The following RGS8 variants were observed in gnomAD, a reference collection of about 807,000 sequenced individuals.
RGS8 encodes regulator of G-protein signaling 8.
RGS8 carries 8 observed loss-of-function variants against 21.7 expected under a neutral mutation model. The observed-to-expected ratio is 0.37, with a 90% CI of 0.22 to 0.66. RGS8 has a LOEUF of 0.66. Among genes scored for constraint, RGS8 ranks in the 30% least tolerant of loss-of-function variants. The pLI is 0.59. For synonymous variants in RGS8, 80 were observed against 83.6 expected (o/e 0.96, Z 0.24); for missense variants, 157 against 217.9 (o/e 0.72, Z 1.76).
At chr1:182,692,675 C>CAAA in the RGS8 span, among the ~76,000 whole-genome samples, 39 of 28,012 alleles carry the variant, frequency 1.4e-3, no homozygotes, top group Non-Finnish European at 1.7e-3. Context: ...CAATCCTAAG[C>CAAA]AAAAAAAAAA....
chr1:182,691,751 G>A, the RGS8 span, among the ~76,000 whole-genome samples: 10 of 151,242 alleles, frequency 6.6e-5, no homozygotes, highest in Non-Finnish European at 1.3e-4. Context: ...CCCCTTGAAA[G>A]CTGGAACAAG....
At chr1:182,648,042 A>C (rs1662787162) in intron 6 of RGS8, 95 bp downstream of exon 7, 2 of 1,154,396 alleles carry the variant, frequency 1.7e-6, no homozygotes, top group Non-Finnish European at 2.4e-6. Flanking sequence ...TTAGTATAAG[A>C]AAGTCCTCAT....
intron 5 of RGS8, among the ~76,000 whole-genome samples, chr1:182,664,770 C>T (rs1216383246): frequency 2.6e-5 from 4 of 152,210 alleles, no homozygotes; most frequent in Admixed American, 2.6e-4. Context: ...ACTAAAGTGA[C>T]TGTTTGTCTC....
intron 5 of RGS8, among the ~76,000 whole-genome samples, chr1:182,662,172 C>T (rs190975013): frequency 6.6e-6 from 1 of 152,168 alleles, no homozygotes. Context: ...AGCAAAGTTG[C>T]TTTCTTTTGC....
chr1:182,717,642 C>T, the RGS8 span, among the ~76,000 whole-genome samples: 4 of 152,202 alleles, frequency 2.6e-5, no homozygotes, highest in Non-Finnish European at 4.4e-5. Context: ...CCTGTGCCCA[C>T]TGTCACCCTT....
chr1:182,702,267 A>T, the RGS8 span, among the ~76,000 whole-genome samples: 112 of 152,228 alleles, frequency 7.4e-4, no homozygotes, highest in African/African-American at 2.6e-3. Context: ...AGCAACATGG[A>T]TGCAGGTGGA....
the RGS8 span, among the ~76,000 whole-genome samples, chr1:182,710,661 GA>G: frequency 2.7e-4 from 41 of 152,106 alleles, no homozygotes; most frequent in African/African-American, 8.7e-4. Context: ...GGAAAATCAG[GA>G]GTTGATTTTC....
the RGS8 span, among the ~76,000 whole-genome samples, chr1:182,718,189 G>T: frequency 6.6e-6 from 1 of 152,178 alleles, no homozygotes; most frequent in Non-Finnish European, 1.5e-5. Flanking sequence ...ATCTAGGAAA[G>T]ATCCCAGACA....
the RGS8 span, among the ~76,000 whole-genome samples, chr1:182,743,610 C>G: frequency 6.6e-6 from 1 of 152,148 alleles, no homozygotes; most frequent in African/African-American, 2.4e-5. Context: ...GCTCTCTGTC[C>G]TTCTTGGTTG....
At chr1:182,739,770 C>T in the RGS8 span, among the ~76,000 whole-genome samples, 1 of 152,134 alleles carries the variant, frequency 6.6e-6, no homozygotes, top group Non-Finnish European at 1.5e-5. Context: ...ACCCAGAAGC[C>T]CTTGCGCCAG....
chr1:182,738,117 C>T, the RGS8 span, among the ~76,000 whole-genome samples: 3 of 152,214 alleles, frequency 2.0e-5, no homozygotes, highest in African/African-American at 7.2e-5. Flanking sequence ...GCTCAAGACT[C>T]ATAAAATGCT....
At chr1:182,699,402 C>T in the RGS8 span, among the ~76,000 whole-genome samples, 1 of 152,240 alleles carries the variant, frequency 6.6e-6, no homozygotes. Flanking sequence ...CTCTTCCCAT[C>T]TTCCCAGGAG....
At chr1:182,712,382 C>G in the RGS8 span, among the ~76,000 whole-genome samples, 1 of 152,208 alleles carries the variant, frequency 6.6e-6, no homozygotes, top group African/African-American at 2.4e-5. Flanking sequence ...AGACCCTGCC[C>G]TACAGGCTAA....
chr1:182,669,748 C>T, exon 3 of RGS8: 1 of 1,592,768 alleles, frequency 6.3e-7, no homozygotes, highest in South Asian at 1.1e-5. Context: ...TGCACGTCCT[C>T]TCACCTAAAA....
the RGS8 span, among the ~76,000 whole-genome samples, chr1:182,747,938 G>C: frequency 1.3e-5 from 2 of 150,522 alleles, no homozygotes; most frequent in Non-Finnish European, 3.0e-5. Context: ...ATCTTTTCCT[G>C]GCTCTTTATT....
At chr1:182,692,011 T>C in the RGS8 span, among the ~76,000 whole-genome samples, 1 of 151,482 alleles carries the variant, frequency 6.6e-6, no homozygotes, top group Admixed American at 6.6e-5. Context: ...CATTTCTTTT[T>C]TTTTTTTTTT....
At chr1:182,742,271 AG>A in the RGS8 span, among the ~76,000 whole-genome samples, 1 of 150,456 alleles carries the variant, frequency 6.6e-6, no homozygotes, top group East Asian at 2.0e-4. Flanking sequence ...AGCCAGGCAG[AG>A]GGGCTCCTCA....
chr1:182,722,041 T>C, the RGS8 span, among the ~76,000 whole-genome samples: 1 of 152,232 alleles, frequency 6.6e-6, no homozygotes, highest in Non-Finnish European at 1.5e-5. Context: ...TTTTAGGACA[T>C]AGAGCTGTAG....
chr1:182,742,207 T>C, the RGS8 span, among the ~76,000 whole-genome samples: 3 of 146,050 alleles, frequency 2.1e-5, no homozygotes, highest in African/African-American at 5.1e-5. Context: ...CGCTCCTCAC[T>C]TCCTAGATGG....
Sources: gnomAD v4.1 joint callset for allele counts (sites outside exome capture counted in the v4.1 genomes callset) on GRCh38, gnomAD v4.1.1 for gene constraint, MANE v1.5 for transcripts, NCBI Gene and HGNC (gene_info 2026-07-23, HGNC 2026-07-21) for gene names.